MRTO4: variants seen among roughly 807,000 people sequenced by gnomAD.
MRTO4 encodes mRNA turnover protein 4 homolog.
A neutral mutation model predicts 28.6 loss-of-function variants in MRTO4; 7 were observed. The observed-to-expected ratio is 0.24, with a 90% CI of 0.14 to 0.46. The LOEUF (loss-of-function observed/expected upper bound fraction) is 0.46, where lower values mean the gene tolerates loss of function less well. Ranked by LOEUF, MRTO4 falls within the 20% of genes least tolerant of loss-of-function variation. The pLI, the probability that MRTO4 is intolerant of heterozygous loss-of-function variation, is 0.99. For synonymous variants in MRTO4, 113 were observed against 108.2 expected, an observed-to-expected ratio of 1.04 and a Z score of -0.27; for missense variants, 302 against 298.3, an observed-to-expected ratio of 1.01 and a Z score of -0.09.
chr1:19,256,463 C>T (rs545048260), intron 3 of MRTO4, among the ~76,000 whole-genome samples: 4 of 152,238 alleles, frequency 2.6e-5, no homozygotes, highest in Admixed American at 6.5e-5. Context: ...CTGCAATGAG[C>T]TGAGATTGCA....
At chr1:19,257,231 T>C (rs1738017) in intron 4 of MRTO4, 86 bp downstream of exon 4, 355,246 of 1,452,774 alleles carry the variant, frequency 0.24, 46,884 homozygotes, top group African/African-American at 0.47. Flanking sequence ...CCCCAGCCAT[T>C]GGCAGGCCGG....
Position 19,258,545 on chromosome 1 carries a change from C to G in MRTO4, c.562C>G (p.Arg188Gly), listed in dbSNP as rs756461838. ...CGATGTGCTGACCCCAGAGCAGGCT[C>G]GCGTCCTGGTGAGTCTGGCGCCTTG... ...EGDVLTPEQA[R>G]VLKLFGYEMA... The change falls in exon 7 of 8, where the codon CGC becomes GGC. Residue 188 changes from arginine to glycine, a missense_variant. By Grantham distance (125) the Arg-to-Gly change is moderately radical. Coordinates refer to ENST00000330263, the MANE Select transcript of MRTO4 (RefSeq NM_016183.4). The G allele has an allele frequency of 6.2e-7, 1 of 1,614,096 alleles. No homozygotes were observed. Among genetic ancestry groups the G allele is most frequent in the Non-Finnish European group, 8.5e-7 (1 of 1,180,046 alleles).
intron 1 of MRTO4, 77 bp downstream of exon 1, chr1:19,251,940 C>T (rs1558119974): frequency 2.0e-6 from 3 of 1,523,248 alleles, no homozygotes; most frequent in Non-Finnish European, 8.9e-7. Flanking sequence ...GGCTTCGGGG[C>T]GGCGGGGGCG....
rs1363994402 is a variant in MRTO4, at chr1:19,258,458, G to A, written c.494-19G>A. On this transcript the variant is annotated intron_variant, in intron 6 of 7. Coordinates refer to ENST00000330263, the MANE Select transcript of MRTO4 (RefSeq NM_016183.4). ...AGGCCTCTGGGCCAGAGGTAACTGAGAGCCACCCTCTTCTGCAGGTGTGGT... is the reference window on the plus strand; with the variant it reads ...AGGCCTCTGGGCCAGAGGTAACTGAAAGCCACCCTCTTCTGCAGGTGTGGT... 1 of 1,613,286 alleles carries A rather than the reference G, an allele frequency of 6.2e-7. No homozygotes were observed. The highest frequency in any genetic ancestry group is 1.7e-5 in the Admixed American group (1 of 60,032).
chr1:19,254,344 C>T (rs564012340), intron 1 of MRTO4, among the ~76,000 whole-genome samples: 1 of 152,164 alleles, frequency 6.6e-6, no homozygotes, highest in Admixed American at 6.5e-5. Flanking sequence ...TTGCAGTGAG[C>T]CCAGATCGTG....
chr1:19,257,239 C>T (rs1319107257), intron 4 of MRTO4, 94 bp downstream of exon 4: 15 of 1,396,684 alleles, frequency 1.1e-5, no homozygotes, highest in East Asian at 2.3e-5. Context: ...ATTGGCAGGC[C>T]GGAGGCTCAG....
intron 1 of MRTO4, 56 bp downstream of exon 1, chr1:19,251,919 C>T (rs2093661520): frequency 1.9e-6 from 3 of 1,560,836 alleles, no homozygotes; most frequent in South Asian, 2.4e-5. Context: ...GGCTACCCAG[C>T]CTGCGGTGAG....
In MRTO4 at chr1:19,259,078, C is replaced by T. The variant is rs1312394542; in HGVS notation, c.*248C>T. On this transcript the variant is annotated 3_prime_UTR_variant, in exon 8 of 8. Transcript: ENST00000330263. ...GAGATTAAGACCATCCTGGCTAACACGGTGAAACCCCGTCTCTACTAAAAA... is the reference window on the plus strand; with the variant it reads ...GAGATTAAGACCATCCTGGCTAACATGGTGAAACCCCGTCTCTACTAAAAA... 8 of 371,476 alleles carry T rather than the reference C, an allele frequency of 2.2e-5. No individual in the cohort carries two copies. The highest frequency in any genetic ancestry group is 3.9e-5 in the Non-Finnish European group (8 of 205,764). 23.0% of individuals were successfully genotyped at this position (371,476 alleles called of 1,614,324 possible).
At chr1:19,253,850 G>C (rs2093667497) in intron 1 of MRTO4, among the ~76,000 whole-genome samples, 1 of 152,202 alleles carries the variant, frequency 6.6e-6, no homozygotes, top group Non-Finnish European at 1.5e-5. Context: ...ATTTGATTCT[G>C]TGGAGGGGCC....
intron 7 of MRTO4, 41 bp downstream of exon 7, chr1:19,258,594 T>C (rs375859325): frequency 5.0e-5 from 81 of 1,613,862 alleles, no homozygotes; most frequent in Non-Finnish European, 6.4e-5. Flanking sequence ...GCGGGGTTGC[T>C]GGCTTTCCTC....
intron 3 of MRTO4, 115 bp from the exon 4 acceptor site, chr1:19,256,949 C>A (rs2093672322): frequency 1.0e-6 from 1 of 960,116 alleles, no homozygotes; most frequent in Non-Finnish European, 1.6e-6. Flanking sequence ...AAGTGGGTGC[C>A]ACTGGCTCAG....
chr1:19,258,185 CA>C (rs1558122796), intron 6 of MRTO4, among the ~76,000 whole-genome samples: 1 of 151,874 alleles, frequency 6.6e-6, no homozygotes. Flanking sequence ...TGAGGCCCAT[CA>C]GGGGCCTTGC....
intron 5 of MRTO4, 35 bp downstream of exon 5, chr1:19,257,556 G>GGTGAGA (rs1212723860): frequency 6.2e-7 from 1 of 1,610,440 alleles, no homozygotes; most frequent in African/African-American, 1.3e-5. Flanking sequence ...GAAAGAGGCG[G>GGTGAGA]GTGAGAGGGG....
At position 19,257,464 on chromosome 1, in the gene MRTO4, G is replaced by T; in HGVS notation, c.284G>T (p.Arg95Met). 1 of 1,614,242 alleles carries T rather than the reference G, an allele frequency of 6.2e-7. No homozygotes were observed. The highest frequency in any genetic ancestry group is 8.5e-7 in the Non-Finnish European group (1 of 1,180,034). ...ACTCCTGATTTGTAGGTCAGCAAAA[G>T]GTTGAGGGGTGAGGTGGGTCTCCTG... ...YKDNLHQVSK[R>M]LRGEVGLLFT... The change falls in exon 5 of 8, where the codon AGG (arginine) becomes ATG (methionine). Residue 95 changes from arginine (R) to methionine (M), a missense_variant. By Grantham distance (91) the Arg-to-Met change is moderately conservative. Coordinates refer to ENST00000330263, the MANE Select transcript of MRTO4 (RefSeq NM_016183.4).
At chr1:19,255,311 T>A (rs2151972745) in intron 2 of MRTO4, among the ~76,000 whole-genome samples, 1 of 150,130 alleles carries the variant, frequency 6.7e-6, no homozygotes, top group East Asian at 2.0e-4. Context: ...CTGGGCAACA[T>A]GACAAAACCT....
rs368648147 is a variant in MRTO4 at position 19,256,060 on chromosome 1, G to A, written c.191+9G>A. 5.6e-6 allele frequency: 9 copies of A among 1,612,770 alleles called. No homozygotes were observed. The highest frequency in any genetic ancestry group is 7.6e-6 in the Non-Finnish European group (9 of 1,179,034). On this transcript the variant is annotated intron_variant, in intron 3 of 7. Transcript: ENST00000330263. ...GCCTGGAAGCACAGCCGGTGAGCGG[G>A]CAGGGGGAGGAAGGCCCTTCTGAGT...
chr1:19,256,970 A>C, intron 3 of MRTO4, 94 bp from the exon 4 acceptor site: 2 of 1,244,218 alleles, frequency 1.6e-6, no homozygotes, highest in Non-Finnish European at 2.3e-6. Flanking sequence ...CCTGGGCCTG[A>C]GCTCACTGGG....
At chr1:19,253,534 G>A (rs2093666906) in intron 1 of MRTO4, among the ~76,000 whole-genome samples, 2 of 152,176 alleles carry the variant, frequency 1.3e-5, no homozygotes, top group African/African-American at 4.8e-5. Flanking sequence ...GGTTGCCTTG[G>A]TGAGAATAGT....
intron 6 of MRTO4, 52 bp from the exon 7 acceptor site, chr1:19,258,425 G>A: frequency 3.8e-6 from 6 of 1,595,208 alleles, no homozygotes; most frequent in Non-Finnish European, 5.1e-6. Flanking sequence ...GGGCAGAGAG[G>A]GCTCTGCAGG....
Sources: gnomAD v4.1 joint callset for allele counts (sites outside exome capture counted in the v4.1 genomes callset) on GRCh38, gnomAD v4.1.1 for gene constraint, MANE v1.5 for transcripts, NCBI Gene and HGNC (gene_info 2026-07-23, HGNC 2026-07-21) for gene names.